Variants in ATP13A4 observed in about 807,000 individuals in gnomAD.
The protein encoded by ATP13A4 is ATPase 13A4.
Under a neutral mutation model 142.5 loss-of-function variants are expected in ATP13A4, and 114 were observed. The observed-to-expected ratio is 0.80, with a 90% CI of 0.69 to 0.93. ATP13A4 has a LOEUF of 0.93. Among genes scored for constraint, ATP13A4 ranks in the 40% least tolerant of loss-of-function variants. The probability of loss-of-function intolerance (pLI) is 0.00; values close to 1 mark genes in which losing one functional copy is unlikely to be tolerated. For synonymous variants in ATP13A4, 488 were observed against 514.8 expected, an observed-to-expected ratio of 0.95 and a Z score of 0.70; for missense variants, 1,392 against 1,454.0, an observed-to-expected ratio of 0.96 and a Z score of 0.69.
chr3:193,537,869 A>G (rs1722671056), intron 1 of ATP13A4, among the ~76,000 whole-genome samples: 2 of 152,172 alleles, frequency 1.3e-5, no homozygotes, highest in African/African-American at 4.8e-5. Flanking sequence ...GTCCTATATA[A>G]TTACATTCAT....
chr3:193,583,921 A>G (rs1724621237), intron 1 of ATP13A4, among the ~76,000 whole-genome samples: 1 of 152,222 alleles, frequency 6.6e-6, no homozygotes, highest in Admixed American at 6.5e-5. Flanking sequence ...AAGATTTCTA[A>G]ACAAAGATTA....
intron 14 of ATP13A4, among the ~76,000 whole-genome samples, chr3:193,457,793 G>A (rs1016517086): frequency 1.3e-5 from 2 of 152,236 alleles, no homozygotes; most frequent in African/African-American, 4.8e-5. Flanking sequence ...CTTCTTTTGT[G>A]TGAAGCAAGC....
chr3:193,591,404 C>T (rs1724771266), intron 1 of ATP13A4, among the ~76,000 whole-genome samples: 3 of 152,204 alleles, frequency 2.0e-5, no homozygotes, highest in Admixed American at 2.0e-4. Context: ...GGTCTGTGGG[C>T]TGAATTTGGT....
rs1054347423 is a variant in ATP13A4, at chr3:193,490,018, G to A, written c.604-154C>T. 4.6e-5 allele frequency among the ~76,000 whole-genome samples: 7 copies of A among 152,088 alleles called. No homozygotes were observed. In the East Asian group the frequency reaches 5.8e-4, roughly 13 times the overall value. On this transcript the variant is annotated intron_variant, in intron 6 of 29. Coordinates refer to ENST00000342695, the MANE Select transcript of ATP13A4 (RefSeq NM_032279.4). Reference sequence around the variant, plus strand: ...CGGCAATTGACACGTGCCAGACACCGCTCTAAGCAACTTTACTTGAATTTT... The same window carrying A: ...CGGCAATTGACACGTGCCAGACACCACTCTAAGCAACTTTACTTGAATTTT...
chr3:193,573,410 T>G (rs1422553440), intron 2 of ATP13A4, among the ~76,000 whole-genome samples: 1 of 149,912 alleles, frequency 6.7e-6, no homozygotes, highest in Non-Finnish European at 1.5e-5. Context: ...ATCTCAGCCC[T>G]TCACCATCTG....
intron 2 of ATP13A4, among the ~76,000 whole-genome samples, chr3:193,514,263 G>A (rs769402581): frequency 9.2e-5 from 14 of 152,230 alleles, no homozygotes; most frequent in African/African-American, 2.4e-4. Flanking sequence ...ACAGACCCCC[G>A]TATGTGTTGT....
At chr3:193,420,151 A>G (rs1341837101) in intron 25 of ATP13A4, among the ~76,000 whole-genome samples, 1 of 149,980 alleles carries the variant, frequency 6.7e-6, no homozygotes, top group African/African-American at 2.5e-5. Context: ...TCTCCCTGCT[A>G]TAACCCAGCA....
At chr3:193,550,610 T>G (rs1723501531) in intron 1 of ATP13A4, among the ~76,000 whole-genome samples, 1 of 152,206 alleles carries the variant, frequency 6.6e-6, no homozygotes, top group African/African-American at 2.4e-5. Flanking sequence ...GCAGCCTGCA[T>G]TTTTTATTGA....
chr3:193,412,361 C>T lies in ATP13A4; in HGVS notation c.3025G>A (p.Val1009Ile). The change falls in exon 27 of 30, where the codon GTA becomes ATA. Residue 1009 changes from valine to isoleucine, a missense_variant. Val to Ile is a conservative substitution (Grantham distance 29). Transcript: ENST00000342695. ...YSVEIHSACT[V>I]QNESISELTM... Reference sequence around the variant, plus strand: ...AACTCTGAGATGCTTTCATTTTGTACTGTGCAGGCACTAAAAGGGAAAACC... The same window carrying T: ...AACTCTGAGATGCTTTCATTTTGTATTGTGCAGGCACTAAAAGGGAAAACC... 6.2e-7 allele frequency: 1 copy of T among 1,614,082 alleles called. No homozygotes were observed. The highest frequency in any genetic ancestry group is 8.5e-7 in the Non-Finnish European group (1 of 1,179,976).
chr3:193,545,916 T>G (rs1341233189), intron 1 of ATP13A4, among the ~76,000 whole-genome samples: 1 of 151,986 alleles, frequency 6.6e-6, no homozygotes, highest in African/African-American at 2.4e-5. Context: ...AAATGAGTAT[T>G]ACTTAAATTT....
chr3:193,514,155 G>A (rs1447797124), intron 2 of ATP13A4, among the ~76,000 whole-genome samples: 1 of 152,104 alleles, frequency 6.6e-6, no homozygotes, highest in Non-Finnish European at 1.5e-5. Context: ...GCTTCATGGG[G>A]GTTTGTTGTA....
At chr3:193,435,915 C>T (rs1238157432) in intron 23 of ATP13A4, among the ~76,000 whole-genome samples, 171 bp from the exon 24 acceptor site, 1 of 152,184 alleles carries the variant, frequency 6.6e-6, no homozygotes, top group East Asian at 1.9e-4. Flanking sequence ...CAGTAAACTA[C>T]ACAACCCAAT....
intron 3 of ATP13A4, among the ~76,000 whole-genome samples, chr3:193,497,371 T>C (rs529109951): frequency 5.7e-4 from 87 of 152,250 alleles, no homozygotes; most frequent in Non-Finnish European, 1.0e-3. Flanking sequence ...CAGTGAGCTA[T>C]CACCTCACTC....
rs537342007 is a variant in ATP13A4, at chr3:193,588,833, C to T, written n.91+4188G>A. Among the ~76,000 whole-genome samples the T allele has an allele frequency of 2.4e-4, 37 of 152,174 alleles. 1 individual carries two copies. In the South Asian group the frequency reaches 7.5e-3, roughly 31 times the overall value. On this transcript the variant is annotated intron_variant and non_coding_transcript_variant, in intron 1 of 3. Coordinates refer to the ATP13A4 transcript ENST00000489140. ...AGTTGAGGGTGGGAACTGTGGTTTA[C>T]TCTTTTTAAAAAAATATATCCTCAG...
At chr3:193,583,745 A>T (rs2108748044) in intron 1 of ATP13A4, among the ~76,000 whole-genome samples, 1 of 152,328 alleles carries the variant, frequency 6.6e-6, no homozygotes, top group East Asian at 1.9e-4. Context: ...AATAAAAATA[A>T]GTAAAGGAAA....
At chr3:193,466,298 C>A in intron 10 of ATP13A4, 116 bp from the exon 11 acceptor site, 4 of 1,280,244 alleles carry the variant, frequency 3.1e-6, no homozygotes, top group Non-Finnish European at 4.5e-6. Flanking sequence ...TGTTTAAGCT[C>A]AAAGGCAATT....
intron 29 of ATP13A4, among the ~76,000 whole-genome samples, chr3:193,404,536 G>A (rs1274917056): frequency 6.6e-6 from 1 of 152,170 alleles, no homozygotes; most frequent in Non-Finnish European, 1.5e-5. Context: ...TCGTAGGGAT[G>A]GATTTCCTTC....
intron 8 of ATP13A4, among the ~76,000 whole-genome samples, chr3:193,479,275 A>C (rs1288239652): frequency 6.6e-6 from 1 of 152,184 alleles, no homozygotes; most frequent in East Asian, 1.9e-4. Context: ...CAGGACAATC[A>C]GACAAGAGAA....
At chr3:193,420,774 A>C (rs1715365592) in intron 25 of ATP13A4, among the ~76,000 whole-genome samples, 1 of 149,560 alleles carries the variant, frequency 6.7e-6, no homozygotes, top group African/African-American at 2.5e-5. Context: ...AATGAAAAAA[A>C]TTAATAGAGA....
Sources: gnomAD v4.1 joint callset for allele counts (sites outside exome capture counted in the v4.1 genomes callset) on GRCh38, gnomAD v4.1.1 for gene constraint, MANE v1.5 for transcripts, NCBI Gene and HGNC (gene_info 2026-07-23, HGNC 2026-07-21) for gene names.